The following GPC5 variants were observed in gnomAD, a reference collection of about 807,000 sequenced individuals.
GPC5 encodes the protein glypican-5.
In GPC5, 47 loss-of-function variants were observed where a neutral mutation model predicts 53.9. That is an observed-to-expected ratio of 0.87 (90% confidence interval 0.69 to 1.11). The LOEUF (loss-of-function observed/expected upper bound fraction) is 1.11. Among genes scored for constraint, GPC5 ranks in the 50% most tolerant of loss-of-function variants. The pLI is 0.00. For synonymous variants in GPC5, 286 were observed against 263.3 expected (o/e 1.09, Z -0.84); for missense variants, 748 against 713.1 (o/e 1.05, Z -0.56).
At chr13:91,998,628 G>A (rs554105586) in intron 6 of GPC5, among the ~76,000 whole-genome samples, 2 of 152,094 alleles carry the variant, frequency 1.3e-5, no homozygotes, top group African/African-American at 4.8e-5. Context: ...AAATAAAATG[G>A]AACCCAATGT....
intron 7 of GPC5, among the ~76,000 whole-genome samples, chr13:92,663,883 TATATATATATATATATATATACAC>T (rs1356873866): frequency 0.26 from 24,862 of 94,912 alleles, 3,287 homozygotes; most frequent in South Asian, 0.42. Context: ...TATATATATA[TATATATATATATATATATATACAC>T]ACACACACAC....
At chr13:91,921,576 T>TA (rs943437323) in intron 6 of GPC5, among the ~76,000 whole-genome samples, 1 of 152,044 alleles carries the variant, frequency 6.6e-6, no homozygotes, top group South Asian at 2.1e-4. Context: ...AAGATTTCCA[T>TA]AAAAAAATCA....
In GPC5 at chr13:91,935,384, TA is replaced by T. The variant is rs1313405433; in HGVS notation, c.1401+27328del. On this transcript the variant is annotated intron_variant, in intron 6 of 7. Coordinates refer to ENST00000377067, the MANE Select transcript of GPC5 (RefSeq NM_004466.6). ...ACTGCAGAGCCCTCATAATTGGAAT[TA>T]GTGCTCTTATGAAAGAGAAACCAGA... 5.9e-5 allele frequency among the ~76,000 whole-genome samples: 9 copies of T among 152,028 alleles called. No homozygotes were observed. In the East Asian group the frequency reaches 1.7e-3, roughly 29 times the overall value.
chr13:91,455,180 G>C (rs78580774), intron 2 of GPC5, among the ~76,000 whole-genome samples: 1 of 151,512 alleles, frequency 6.6e-6, no homozygotes, highest in Non-Finnish European at 1.5e-5. Context: ...GAACATTCTT[G>C]ATATCTCCGT....
intron 7 of GPC5, among the ~76,000 whole-genome samples, chr13:92,724,950 C>T (rs1277499055): frequency 3.3e-5 from 5 of 150,512 alleles, no homozygotes; most frequent in Admixed American, 1.3e-4. Flanking sequence ...GATCTATAAG[C>T]ACAGGGCTGT....
At chr13:92,019,631 G>A (rs2040739194) in intron 6 of GPC5, among the ~76,000 whole-genome samples, 1 of 152,014 alleles carries the variant, frequency 6.6e-6, no homozygotes, top group Non-Finnish European at 1.5e-5. Flanking sequence ...TTAAAATGGA[G>A]AGCTAATTAT....
At chr13:92,829,994 C>T (rs550369860) in intron 7 of GPC5, among the ~76,000 whole-genome samples, 6 of 152,108 alleles carry the variant, frequency 3.9e-5, no homozygotes, top group Admixed American at 3.3e-4. Context: ...ATAAAGAAAA[C>T]GAGTCATGCT....
At chr13:92,612,443 A>G (rs1884469949) in intron 7 of GPC5, among the ~76,000 whole-genome samples, 1 of 152,130 alleles carries the variant, frequency 6.6e-6, no homozygotes, top group Non-Finnish European at 1.5e-5. Flanking sequence ...TATACATATG[A>G]TATAAATAAA....
At chr13:92,295,627 C>T (rs910992214) in intron 7 of GPC5, among the ~76,000 whole-genome samples, 2 of 152,122 alleles carry the variant, frequency 1.3e-5, no homozygotes, top group South Asian at 4.1e-4. Flanking sequence ...GTTTTATAAT[C>T]TTGGGAGCTC....
chr13:91,460,405 C>T (rs1307735589), intron 2 of GPC5, among the ~76,000 whole-genome samples: 2 of 151,596 alleles, frequency 1.3e-5, no homozygotes, highest in Non-Finnish European at 2.9e-5. Flanking sequence ...TCAAGCAATT[C>T]TCATGCCTCA....
intron 7 of GPC5, among the ~76,000 whole-genome samples, chr13:92,595,251 G>A (rs945898389): frequency 1.3e-5 from 2 of 152,050 alleles, no homozygotes; most frequent in African/African-American, 2.4e-5. Context: ...TAAAATCAAA[G>A]CATACCAAAT....
At chr13:91,492,559 G>T (rs1366001626) in intron 2 of GPC5, among the ~76,000 whole-genome samples, 1 of 152,084 alleles carries the variant, frequency 6.6e-6, no homozygotes, top group African/African-American at 2.4e-5. Flanking sequence ...TGTCTTTTTG[G>T]TCTATTTAGT....
intron 5 of GPC5, among the ~76,000 whole-genome samples, chr13:91,769,627 G>A (rs994030569): frequency 6.6e-6 from 1 of 152,164 alleles, no homozygotes. Context: ...TGTGGCTCAG[G>A]GTGATGCAGA....
chr13:92,206,893 GCCAGGTTC>G (rs2042341801), intron 7 of GPC5, among the ~76,000 whole-genome samples: 1 of 151,918 alleles, frequency 6.6e-6, no homozygotes, highest in Admixed American at 6.5e-5. Context: ...ATTTAACCTT[GCCAGGTTC>G]CAAAAGATGG....
chr13:91,674,775 G>A (rs976365006), intron 2 of GPC5, among the ~76,000 whole-genome samples: 1 of 150,920 alleles, frequency 6.6e-6, no homozygotes, highest in South Asian at 2.1e-4. Context: ...ACTGTCAGAA[G>A]AATCTATTTT....
intron 7 of GPC5, among the ~76,000 whole-genome samples, chr13:92,184,133 A>G (rs966665172): frequency 1.3e-4 from 19 of 151,824 alleles, no homozygotes; most frequent in African/African-American, 4.4e-4. Flanking sequence ...CTGCAAATTC[A>G]TCTTTGGTTT....
chr13:92,064,285 T>C (rs1000650080), intron 6 of GPC5, among the ~76,000 whole-genome samples: 5 of 152,200 alleles, frequency 3.3e-5, no homozygotes, highest in African/African-American at 1.2e-4. Flanking sequence ...ATAGTGTTTT[T>C]CAAATGTAAG....
intron 7 of GPC5, among the ~76,000 whole-genome samples, chr13:92,692,754 A>ATTT (rs71272284): frequency 0.01 from 829 of 81,014 alleles, 65 homozygotes; most frequent in African/African-American, 0.034. Flanking sequence ...AATATCGGCT[A>ATTT]TTTTTTTTTT....
intron 6 of GPC5, among the ~76,000 whole-genome samples, chr13:92,039,432 G>C (rs886222267): frequency 6.6e-6 from 1 of 152,134 alleles, no homozygotes; most frequent in African/African-American, 2.4e-5. Flanking sequence ...GTAACTGTTG[G>C]AAATTTTACA....
Sources: gnomAD v4.1 joint callset for allele counts (sites outside exome capture counted in the v4.1 genomes callset) on GRCh38, gnomAD v4.1.1 for gene constraint, MANE v1.5 for transcripts, NCBI Gene and HGNC (gene_info 2026-07-23, HGNC 2026-07-21) for gene names.